Variants in CSAD observed in about 807,000 individuals in gnomAD.
CSAD encodes the protein cysteine sulfinic acid decarboxylase, also known as P-selectin cytoplasmic tail-associated protein.
In CSAD, 47 loss-of-function variants were observed where a neutral mutation model predicts 61.5. The observed-to-expected ratio is 0.76, with a 90% CI of 0.60 to 0.97. The LOEUF (loss-of-function observed/expected upper bound fraction) is 0.97, where lower values mean the gene tolerates loss of function less well. CSAD is among the 50% of genes least tolerant of loss of function. The probability of loss-of-function intolerance (pLI) is 0.00; values close to 1 mark genes in which losing one functional copy is unlikely to be tolerated. For synonymous variants in CSAD, 245 were observed against 252.7 expected (o/e 0.97, Z 0.29); for missense variants, 611 against 643.6 (o/e 0.95, Z 0.55).
chr12:53,161,144 G>A lies in CSAD; in HGVS notation c.867C>T (p.Leu289=). 1 of 1,614,146 alleles carries A rather than the reference G, an allele frequency of 6.2e-7. No individual in the cohort carries two copies. Residue 289 remains leucine (L), a synonymous_variant, in exon 12 of 17, where the codon CTC becomes CTT. Transcript: ENST00000444623. Reference sequence around the variant, plus strand: ...GTATGCACCTCTGGATCCCATCCAGGAGATGCCTGTGTGTCTGTGACAGCA... The same window carrying A: ...GTATGCACCTCTGGATCCCATCCAGAAGATGCCTGTGTGTCTGTGACAGCA... ...SVLLSQTHRH[L]LDGIQRADSV...
chr12:53,158,540 C>T lies in CSAD; in HGVS notation c.1453G>A (p.Glu485Lys), dbSNP rs751384326. The T allele has an allele frequency of 1.1e-5, 17 of 1,613,930 alleles. No homozygotes were observed. Among genetic ancestry groups the T allele is most frequent in the East Asian group, 4.5e-5 (2 of 44,890 alleles). ...AGGTCCTGGCCTAGCCGCTCCAGCT[C>T]GTTGAGGAGGAAGTCCATATCAGCA... ...TCADMDFLLN[E>K]LERLGQDL Residue 485 changes from glutamate (E) to lysine (K), a missense_variant, in exon 17 of 17, where the codon GAG (glutamate) becomes AAG (lysine). Glu to Lys is a moderately conservative substitution (Grantham distance 56). Coordinates refer to ENST00000444623, the MANE Select transcript of CSAD (RefSeq NM_001244705.2).
At chr12:53,171,027 T>C in intron 8 of CSAD, 1 of 549,870 alleles carries the variant, frequency 1.8e-6, no homozygotes, top group East Asian at 3.9e-5. Flanking sequence ...GGCCAGATTC[T>C]GCATTTCTAA....
intron 2 of CSAD, among the ~76,000 whole-genome samples, chr12:53,175,054 C>T (rs1343057747): frequency 6.6e-6 from 1 of 152,124 alleles, no homozygotes; most frequent in African/African-American, 2.4e-5. Context: ...TACTTCTGAG[C>T]GCCTGGCTGG....
intron 7 of CSAD, 104 bp downstream of exon 7, chr12:53,171,778 C>T (rs1337429896): frequency 1.7e-5 from 14 of 804,788 alleles, no homozygotes; most frequent in Admixed American, 2.5e-5. Flanking sequence ...GGAGAGGAAT[C>T]AAAGAGGAAT....
rs577547299 is a variant in CSAD, at chr12:53,173,432, G to A, written c.39C>T (p.Asp13=). Reference sequence around the variant, plus strand: ...GGAGCAAGGCTTCCACAGCCACTGGGTCCCCAGCAAGGGAGGGGAGTGCTT... The same window carrying A: ...GGAGCAAGGCTTCCACAGCCACTGGATCCCCAGCAAGGGAGGGGAGTGCTT... ...DSEALPSLAG[D]PVAVEALLRA... is the part of the protein sequence containing the mutation. The change falls in exon 4 of 17, where the codon GAC becomes GAT. Residue 13 remains aspartate (D), a synonymous_variant. Transcript: ENST00000444623. The A allele has an allele frequency of 7.4e-6, 12 of 1,614,194 alleles. No individual in the cohort carries two copies. The highest frequency in any genetic ancestry group is 4.0e-5 in the African/African-American group (3 of 75,042).
chr12:53,158,756 C>T, intron 16 of CSAD, 72 bp from the exon 17 acceptor site: 1 of 1,454,654 alleles, frequency 6.9e-7, no homozygotes, highest in East Asian at 2.4e-5. Flanking sequence ...TCTTGTCCTG[C>T]CAGGCTTCCA....
rs77761065 is a variant in CSAD, at chr12:53,167,201, T to C, written c.702+2871A>G. 5.4e-3 allele frequency among the ~76,000 whole-genome samples: 816 copies of C among 152,268 alleles called. 8 individuals carry two copies. Among genetic ancestry groups the C allele is most frequent in the African/African-American group, 0.018 (766 of 41,536 alleles). ...AGCACCAGCCCCAAGCAAGTATCCATGGATGAGGAAGACTACAGGTGGGGT... is the reference window on the plus strand; with the variant it reads ...AGCACCAGCCCCAAGCAAGTATCCACGGATGAGGAAGACTACAGGTGGGGT... On this transcript the variant is annotated intron_variant, in intron 10 of 16. Coordinates refer to ENST00000444623, the MANE Select transcript of CSAD (RefSeq NM_001244705.2).
At chr12:53,172,467 G>A (rs775155958) in intron 5 of CSAD, 31 bp from the exon 6 acceptor site, 2 of 1,613,780 alleles carry the variant, frequency 1.2e-6, no homozygotes, top group East Asian at 4.5e-5. Context: ...AGGGAGCTCA[G>A]AGTAGAGCTC....
intron 9 of CSAD, 106 bp downstream of exon 9, chr12:53,170,317 G>T (rs936203297): frequency 3.7e-6 from 4 of 1,079,154 alleles, no homozygotes; most frequent in South Asian, 1.3e-5. Flanking sequence ...ATAGCGAGGG[G>T]AGAGAGGTCC....
At chr12:53,171,722 T>C in intron 7 of CSAD, 160 bp downstream of exon 7, 1 of 627,530 alleles carries the variant, frequency 1.6e-6, no homozygotes, top group Non-Finnish European at 2.8e-6. Flanking sequence ...AACATGAGCA[T>C]GAAGGGACCA....
At chr12:53,173,995 G>A in intron 2 of CSAD, 1 of 551,890 alleles carries the variant, frequency 1.8e-6, no homozygotes, top group Non-Finnish European at 3.3e-6. Context: ...TGTCTAGTCT[G>A]GCCATTTCAT....
chr12:53,179,981 C>G, intron 1 of CSAD: 1 of 1,500,012 alleles, frequency 6.7e-7, no homozygotes, highest in Non-Finnish European at 8.8e-7. Flanking sequence ...GTCTTTTCCA[C>G]GTGTGGAGGC....
At chr12:53,165,895 C>A (rs1042266681) in intron 10 of CSAD, among the ~76,000 whole-genome samples, 5 of 152,082 alleles carry the variant, frequency 3.3e-5, no homozygotes, top group African/African-American at 1.2e-4. Context: ...CAAACAGCAA[C>A]CCAAACAGAT....
At chr12:53,160,885 C>G (rs755757038) in intron 12 of CSAD, 41 bp from the exon 13 acceptor site, 40 of 1,515,552 alleles carry the variant, frequency 2.6e-5, no homozygotes, top group Non-Finnish European at 3.4e-5. Context: ...GGCTCCTCCT[C>G]CAGCTGCCCA....
chr12:53,170,340 G>T, intron 9 of CSAD, 83 bp downstream of exon 9: 2 of 1,273,216 alleles, frequency 1.6e-6, no homozygotes, highest in Non-Finnish European at 2.3e-6. Flanking sequence ...CAGCGGTAAG[G>T]GTCTGATGCC....
At position 53,172,668 on chromosome 12, in the gene CSAD, T is replaced by C; in HGVS notation, c.127-20A>G. ...ACAGACCTAGGAAGAGAGCCGGGGA[T>C]GCTGGGGGCCTGGGATGCCTGTGGA... On this transcript the variant is annotated intron_variant, in intron 4 of 16. Coordinates refer to ENST00000444623, the MANE Select transcript of CSAD (RefSeq NM_001244705.2). 2 of 1,596,890 alleles carry C rather than the reference T, an allele frequency of 1.3e-6. No individual in the cohort carries two copies. Among genetic ancestry groups the C allele is most frequent in the Non-Finnish European group, 1.7e-6 (2 of 1,174,014 alleles).
intron 1 of CSAD, chr12:53,179,716 T>C: frequency 8.0e-7 from 1 of 1,257,392 alleles, no homozygotes; most frequent in Non-Finnish European, 1.1e-6. Flanking sequence ...CATCATACAG[T>C]TTTTTTTTTC....
rs747776957 is a variant in CSAD, at chr12:53,172,663, G to A, written c.127-15C>T. The A allele has an allele frequency of 6.5e-5, 103 of 1,596,170 alleles. No individual in the cohort carries two copies. Among genetic ancestry groups the A allele is most frequent in the Admixed American group, 5.5e-4 (32 of 58,670 alleles). Reference sequence around the variant, plus strand: ...CACTCACAGACCTAGGAAGAGAGCCGGGGATGCTGGGGGCCTGGGATGCCT... The same window carrying A: ...CACTCACAGACCTAGGAAGAGAGCCAGGGATGCTGGGGGCCTGGGATGCCT... On this transcript the variant is annotated splice_polypyrimidine_tract_variant and intron_variant, in intron 4 of 16. Transcript: ENST00000444623.
At chr12:53,173,307 G>C in intron 4 of CSAD, 38 bp downstream of exon 4, 1 of 1,562,408 alleles carries the variant, frequency 6.4e-7, no homozygotes, top group Non-Finnish European at 8.8e-7. Flanking sequence ...AGAAAAGAAA[G>C]AAAGCTTGAT....
Sources: allele counts gnomAD v4.1 joint callset (sites outside exome capture counted in the v4.1 genomes callset), GRCh38; gene constraint gnomAD v4.1.1; transcripts MANE v1.5; gene names NCBI Gene and HGNC (gene_info 2026-07-23, HGNC 2026-07-21).